Variants in ABL1 observed in about 807,000 individuals in gnomAD.
The protein encoded by ABL1 is tyrosine-protein kinase ABL1.
Under a neutral mutation model 94.7 loss-of-function variants are expected in ABL1, and 11 were observed. The ratio of observed to expected loss-of-function variants is 0.12; its 90% CI spans 0.07 to 0.19. The LOEUF (loss-of-function observed/expected upper bound fraction) is 0.19, where lower values mean the gene tolerates loss of function less well. Ranked by LOEUF, ABL1 falls within the 10% of genes least tolerant of loss-of-function variation. ABL1 has a pLI of 1.00. For missense variants in ABL1, 1,082 were observed against 1,489.4 expected (o/e 0.73, Z 4.50); for synonymous variants, 656 against 622.4 (o/e 1.05, Z -0.80).
At chr9:130,881,997 C>T (rs779027783) in intron 10 of ABL1, among the ~76,000 whole-genome samples, 2 of 152,114 alleles carry the variant, frequency 1.3e-5, no homozygotes, top group Non-Finnish European at 2.9e-5. Flanking sequence ...ATTTAAAAGG[C>T]TTGCATGCTA....
At chr9:130,859,849 T>G (rs1831040507) in intron 3 of ABL1, among the ~76,000 whole-genome samples, 1 of 151,678 alleles carries the variant, frequency 6.6e-6, no homozygotes, top group South Asian at 2.1e-4. Flanking sequence ...CCCGGCTAAT[T>G]TTTGTATTTT....
intron 1 of ABL1, among the ~76,000 whole-genome samples, chr9:130,845,295 A>G (rs1016014328): frequency 4.6e-5 from 7 of 152,154 alleles, no homozygotes; most frequent in Admixed American, 3.9e-4. Flanking sequence ...TTAAGAAACA[A>G]AATTCTCCAT....
upstream of ABL1, among the ~76,000 whole-genome samples, chr9:130,831,197 A>G (rs900128097): frequency 3.3e-5 from 5 of 152,176 alleles, no homozygotes; most frequent in Non-Finnish European, 5.9e-5. Flanking sequence ...CTATGCTGGA[A>G]ACAGTGAAGG....
chr9:130,789,138 A>G (rs906139250), intron 1 of ABL1, among the ~76,000 whole-genome samples: 3 of 152,230 alleles, frequency 2.0e-5, no homozygotes, highest in African/African-American at 4.8e-5. Flanking sequence ...GAGTGGAGAA[A>G]GGGATCAGTG....
chr9:130,772,261 A>G (rs1832261796), intron 1 of ABL1, among the ~76,000 whole-genome samples: 2 of 152,180 alleles, frequency 1.3e-5, no homozygotes, highest in African/African-American at 4.8e-5. Context: ...TGGTAGAGAG[A>G]TATCTCCCAA....
chr9:130,853,251 C>T (rs1303704905), intron 1 of ABL1, among the ~76,000 whole-genome samples: 1 of 137,426 alleles, frequency 7.3e-6, no homozygotes, highest in African/African-American at 2.7e-5. Flanking sequence ...TCTTGGCTCA[C>T]TGCAACCTCC....
chr9:130,793,410 CTTAA>C (rs1206701411), intron 1 of ABL1, among the ~76,000 whole-genome samples: 1 of 152,138 alleles, frequency 6.6e-6, no homozygotes, highest in African/African-American at 2.4e-5. Flanking sequence ...CTAACTGGGC[CTTAA>C]TTATCATGAA....
intron 1 of ABL1, among the ~76,000 whole-genome samples, chr9:130,741,933 C>T (rs1339187509): frequency 6.6e-6 from 1 of 152,192 alleles, no homozygotes; most frequent in Non-Finnish European, 1.5e-5. Context: ...GCCACAGCTT[C>T]CTGCCCCTTA....
chr9:130,760,007 A>G (rs946024301), intron 1 of ABL1, among the ~76,000 whole-genome samples: 2 of 121,678 alleles, frequency 1.6e-5, no homozygotes, highest in Admixed American at 1.1e-4. Flanking sequence ...GGGTCCCACT[A>G]CGTTGTCCAG....
At chr9:130,849,258 T>A (rs1049837522) in intron 1 of ABL1, among the ~76,000 whole-genome samples, 1 of 152,240 alleles carries the variant, frequency 6.6e-6, no homozygotes, top group Non-Finnish European at 1.5e-5. Flanking sequence ...AAAATTAGTG[T>A]ATAGAAATAA....
intron 1 of ABL1, among the ~76,000 whole-genome samples, chr9:130,742,954 A>AT (rs1831838579): frequency 6.6e-6 from 1 of 152,144 alleles, no homozygotes; most frequent in Admixed American, 6.5e-5. Flanking sequence ...CTGGTACAAA[A>AT]TTTTTTTGTT....
At chr9:130,829,440 T>C (rs1347848828) in intron 1 of ABL1, among the ~76,000 whole-genome samples, 2 of 151,892 alleles carry the variant, frequency 1.3e-5, no homozygotes, top group African/African-American at 4.8e-5. Flanking sequence ...CGGTCCCCTG[T>C]AGTCCGAGCT....
intron 1 of ABL1, among the ~76,000 whole-genome samples, chr9:130,756,112 A>G (rs530143463): frequency 3.3e-5 from 5 of 152,354 alleles, no homozygotes; most frequent in South Asian, 2.1e-4. Flanking sequence ...CTTTTCTCAT[A>G]GAGAAGAACA....
intron 1 of ABL1, among the ~76,000 whole-genome samples, chr9:130,796,006 TC>T (rs1414130122): frequency 6.7e-6 from 1 of 150,042 alleles, no homozygotes; most frequent in East Asian, 2.0e-4. Flanking sequence ...AAACCCTGTC[TC>T]TACCAAAAAT....
chr9:130,820,808 C>T (rs1830350356), intron 1 of ABL1, among the ~76,000 whole-genome samples: 1 of 152,078 alleles, frequency 6.6e-6, no homozygotes, highest in Admixed American at 6.6e-5. Context: ...GCTTTTTCCC[C>T]TTTTTTATTA....
rs1831574697 is a variant in ABL1, at chr9:130,885,926, TC to T, written c.*245del. The T allele has an allele frequency of 3.7e-6, 2 of 537,934 alleles. No individual in the cohort carries two copies. Among genetic ancestry groups the T allele is most frequent in the Non-Finnish European group, 6.4e-6 (2 of 310,386 alleles). 33.3% of individuals were successfully genotyped at this position (537,934 alleles called of 1,614,324 possible). On this transcript the variant is annotated 3_prime_UTR_variant, in exon 11 of 11. Transcript: ENST00000318560. ...TGTCCTCGAATTTTATCTGTGGAGT[TC>T]CTGCTCCGTGGACTGCAGTCGGCAT...
intron 1 of ABL1, among the ~76,000 whole-genome samples, chr9:130,821,898 T>TG (rs2132878327): frequency 6.6e-6 from 1 of 150,526 alleles, no homozygotes; most frequent in African/African-American, 2.4e-5. Context: ...TGGAGTGCAG[T>TG]GCGCGATCTC....
At chr9:130,718,317 CAAAAAAAA>C (rs35188504) in intron 1 of ABL1, among the ~76,000 whole-genome samples, 3 of 73,052 alleles carry the variant, frequency 4.1e-5, no homozygotes, top group South Asian at 9.2e-4. Flanking sequence ...GACTCTGTCT[CAAAAAAAA>C]AAAAAAAAAA....
chr9:130,850,804 G>GC (rs1197050491), intron 1 of ABL1, among the ~76,000 whole-genome samples: 1 of 152,200 alleles, frequency 6.6e-6, no homozygotes, highest in African/African-American at 2.4e-5. Flanking sequence ...ACCGCACCCA[G>GC]CCCCACATAC....
Sources: gnomAD v4.1 joint callset for allele counts (sites outside exome capture counted in the v4.1 genomes callset) on GRCh38, gnomAD v4.1.1 for gene constraint, MANE v1.5 for transcripts, NCBI Gene and HGNC (gene_info 2026-07-23, HGNC 2026-07-21) for gene names.